Variants in OSBPL10 observed in about 807,000 individuals in gnomAD.
OSBPL10 encodes oxysterol-binding protein-related protein 10.
In OSBPL10, 49 loss-of-function variants were observed where a neutral mutation model predicts 81.7. That is an observed-to-expected ratio of 0.60 (90% CI 0.48 to 0.76). The LOEUF is 0.76. Among genes scored for constraint, OSBPL10 ranks in the 30% least tolerant of loss-of-function variants. OSBPL10 has a pLI of 0.00. For synonymous variants in OSBPL10, 419 were observed against 383.6 expected (o/e 1.09, Z -1.08); for missense variants, 923 against 987.8 (o/e 0.93, Z 0.88).
At chr3:31,756,937 C>T (rs1427364167) in intron 4 of OSBPL10, among the ~76,000 whole-genome samples, 1 of 152,196 alleles carries the variant, frequency 6.6e-6, no homozygotes, top group East Asian at 1.9e-4. Flanking sequence ...CGTTAGCTAA[C>T]AGGCTTCTGA....
intron 11 of OSBPL10, chr3:31,663,142 TAGC>T (rs1376949754): frequency 2.0e-6 from 2 of 985,422 alleles, no homozygotes; most frequent in African/African-American, 1.7e-5. Context: ...TCCCTCTTTG[TAGC>T]AGAAGTCAGG....
intron 1 of OSBPL10, among the ~76,000 whole-genome samples, chr3:32,055,977 A>G (rs74427234): frequency 6.6e-6 from 1 of 152,216 alleles, no homozygotes; most frequent in African/African-American, 2.4e-5. Flanking sequence ...CTTATGAAAC[A>G]AAGTTCCATC....
chr3:31,798,198 A>G (rs1039202127), intron 4 of OSBPL10, among the ~76,000 whole-genome samples: 19 of 152,262 alleles, frequency 1.2e-4, no homozygotes, highest in African/African-American at 4.3e-4. Flanking sequence ...TGGGAGGCCG[A>G]GGCAGGTGGA....
chr3:31,794,011 G>C (rs1699110327), intron 4 of OSBPL10, among the ~76,000 whole-genome samples: 1 of 152,234 alleles, frequency 6.6e-6, no homozygotes, highest in African/African-American at 2.4e-5. Context: ...TGTGGTTTGA[G>C]AGGCCCCAGG....
chr3:31,696,553 T>G (rs578132358), intron 7 of OSBPL10, among the ~76,000 whole-genome samples: 3 of 152,366 alleles, frequency 2.0e-5, no homozygotes, highest in South Asian at 4.1e-4. Flanking sequence ...TCAACACAGT[T>G]GATCAATTCT....
At chr3:31,955,969 T>C (rs754581050) in intron 1 of OSBPL10, among the ~76,000 whole-genome samples, 66 of 152,324 alleles carry the variant, frequency 4.3e-4, no homozygotes, top group Non-Finnish European at 7.9e-4. Context: ...TGGCCTCTAG[T>C]GTCACCAGCC....
At chr3:31,999,359 CTTT>C (rs5847729) in intron 2 of OSBPL10, among the ~76,000 whole-genome samples, 10 of 125,830 alleles carry the variant, frequency 7.9e-5, no homozygotes, top group Admixed American at 8.2e-5. Flanking sequence ...ATATCAAAAT[CTTT>C]TTTTTTTTTT....
Position 32,021,330 on chromosome 3 carries a change from A to T in OSBPL10, n.298+25161T>A, listed in dbSNP as rs1157078779. On this transcript the variant is annotated intron_variant and non_coding_transcript_variant, in intron 2 of 3. Transcript: ENST00000479173. ...GGAGCACAGGCTCAAATAAAGTTCA[A>T]CGTCATGAGGACAGATGTTATCATT... 2.0e-5 allele frequency among the ~76,000 whole-genome samples: 3 copies of T among 152,182 alleles called. No individual in the cohort carries two copies. The East Asian group carries it at 5.8e-4, about 29-fold the overall frequency.
intron 4 of OSBPL10, among the ~76,000 whole-genome samples, chr3:31,820,968 A>G (rs189378492): frequency 2.6e-4 from 40 of 152,300 alleles, no homozygotes; most frequent in Non-Finnish European, 5.0e-4. Flanking sequence ...TTAAACCAAA[A>G]ACACCTTTAG....
At chr3:31,832,368 C>T (rs1397772047) in intron 3 of OSBPL10, among the ~76,000 whole-genome samples, 3 of 152,116 alleles carry the variant, frequency 2.0e-5, no homozygotes, top group African/African-American at 7.2e-5. Context: ...TATGTATTCC[C>T]TATTGAAAAC....
At chr3:32,016,485 T>C (rs1408777194) in intron 2 of OSBPL10, among the ~76,000 whole-genome samples, 1 of 152,126 alleles carries the variant, frequency 6.6e-6, no homozygotes, top group African/African-American at 2.4e-5. Context: ...TTAGGAGATA[T>C]ACCTAATGTA....
chr3:31,888,619 A>G lies in OSBPL10; in HGVS notation c.282-8789T>C, dbSNP rs934297244. Among the ~76,000 whole-genome samples, 4 of 151,910 alleles carry G rather than the reference A, an allele frequency of 2.6e-5. No homozygotes were observed. The East Asian group carries it at 5.8e-4, about 22-fold the overall frequency. On this transcript the variant is annotated intron_variant, in intron 1 of 11. Coordinates refer to ENST00000396556, the MANE Select transcript of OSBPL10 (RefSeq NM_017784.5). ...TATACAAGAAACTCAAACAACAGCGAAAAAAAACCACAAATAATGGGCTGG... is the reference window on the plus strand; with the variant it reads ...TATACAAGAAACTCAAACAACAGCGGAAAAAAACCACAAATAATGGGCTGG...
At chr3:31,789,055 T>G (rs1028730173) in intron 4 of OSBPL10, among the ~76,000 whole-genome samples, 1 of 152,030 alleles carries the variant, frequency 6.6e-6, no homozygotes, top group East Asian at 1.9e-4. Flanking sequence ...CTTGGCTCAC[T>G]GCAACCTCTG....
intron 3 of OSBPL10, among the ~76,000 whole-genome samples, chr3:31,866,012 T>G (rs563034049): frequency 6.6e-6 from 1 of 152,296 alleles, no homozygotes; most frequent in East Asian, 1.9e-4. Flanking sequence ...GGGTTAATCT[T>G]GCTTCCCGTT....
intron 1 of OSBPL10, among the ~76,000 whole-genome samples, chr3:31,978,084 A>G (rs1698734274): frequency 6.6e-6 from 1 of 152,212 alleles, no homozygotes; most frequent in South Asian, 2.1e-4. Context: ...TTTTACAGCA[A>G]CTTGAGAACA....
chr3:31,757,472 A>T (rs1697922018), intron 4 of OSBPL10, among the ~76,000 whole-genome samples: 1 of 152,176 alleles, frequency 6.6e-6, no homozygotes, highest in African/African-American at 2.4e-5. Context: ...GGTGCTCAGA[A>T]GGCACCAACT....
chr3:32,004,598 T>C (rs939310036), intron 2 of OSBPL10, among the ~76,000 whole-genome samples: 6 of 152,228 alleles, frequency 3.9e-5, no homozygotes, highest in Non-Finnish European at 8.8e-5. Flanking sequence ...TCTGCATTTT[T>C]CTAAGCTTTG....
At chr3:31,887,651 C>T (rs896956562) in intron 1 of OSBPL10, among the ~76,000 whole-genome samples, 2 of 152,092 alleles carry the variant, frequency 1.3e-5, no homozygotes, top group African/African-American at 2.4e-5. Context: ...ACTCAAAAAC[C>T]TTAAGAGGTT....
intron 1 of OSBPL10, among the ~76,000 whole-genome samples, chr3:31,884,883 G>A (rs1445324526): frequency 6.6e-6 from 1 of 152,016 alleles, no homozygotes; most frequent in East Asian, 1.9e-4. Context: ...TACTTTCTTT[G>A]CTATGTTAAA....
Sources: allele counts gnomAD v4.1 joint callset (sites outside exome capture counted in the v4.1 genomes callset), GRCh38; gene constraint gnomAD v4.1.1; transcripts MANE v1.5; gene names NCBI Gene and HGNC (gene_info 2026-07-23, HGNC 2026-07-21).